Variants in PREP observed in about 807,000 individuals in gnomAD.
PREP encodes the protein prolyl endopeptidase.
PREP carries 29 observed loss-of-function variants against 87.6 expected under a neutral mutation model. The observed-to-expected ratio is 0.33, with a 90% CI of 0.25 to 0.45. The LOEUF is 0.45. PREP is among the 20% of genes least tolerant of loss of function. PREP has a pLI of 1.00. For missense variants in PREP, 695 were observed against 886.5 expected, an observed-to-expected ratio of 0.78 and a Z score of 2.74; for synonymous variants, 337 against 328.6, an observed-to-expected ratio of 1.03 and a Z score of -0.28.
chr6:105,380,924 G>T (rs184754646), intron 2 of PREP, among the ~76,000 whole-genome samples: 79 of 152,314 alleles, frequency 5.2e-4, no homozygotes, highest in South Asian at 5.0e-3. Context: ...GTGTTCTCCA[G>T]CTGTTTCTCT....
intron 2 of PREP, among the ~76,000 whole-genome samples, chr6:105,387,553 G>A (rs1379661500): frequency 7.1e-6 from 1 of 141,454 alleles, no homozygotes. Flanking sequence ...ACTGGAAGAA[G>A]AATTGTCACA....
chr6:105,361,824 T>C (rs1307194842), intron 6 of PREP, among the ~76,000 whole-genome samples: 1 of 152,212 alleles, frequency 6.6e-6, no homozygotes, highest in East Asian at 1.9e-4. Flanking sequence ...ACTTTTCATA[T>C]ATGAAACTCA....
intron 6 of PREP, among the ~76,000 whole-genome samples, chr6:105,360,724 C>T (rs1772224293): frequency 6.6e-6 from 1 of 152,170 alleles, no homozygotes; most frequent in Admixed American, 6.5e-5. Flanking sequence ...GAAAATAACT[C>T]CTATAAAAAT....
At chr6:105,340,675 G>A (rs988510146) in intron 7 of PREP, among the ~76,000 whole-genome samples, 1 of 151,452 alleles carries the variant, frequency 6.6e-6, no homozygotes, top group Non-Finnish European at 1.5e-5. Flanking sequence ...CATATATGCT[G>A]AAAATAAAGG....
At chr6:105,355,347 A>G (rs1157336789) in intron 6 of PREP, among the ~76,000 whole-genome samples, 1 of 152,164 alleles carries the variant, frequency 6.6e-6, no homozygotes, top group Non-Finnish European at 1.5e-5. Flanking sequence ...TTGGCCTCCC[A>G]AAGTGCCACT....
rs916991271 is a variant in PREP at position 105,276,689 on chromosome 6, G to A, written c.*1455C>T. On this transcript the variant is annotated 3_prime_UTR_variant, in exon 15 of 15. Coordinates refer to ENST00000652536, the MANE Select transcript of PREP (RefSeq NM_002726.5). ...CTCAATGACAACTGTATTATGTACC[G>A]TACTAAATAGTAACGGAAAACATGA... Among the ~76,000 whole-genome samples the A allele has an allele frequency of 2.0e-5, 3 of 152,118 alleles. No homozygotes were observed. Among genetic ancestry groups the A allele is most frequent in the African/African-American group, 7.2e-5 (3 of 41,420 alleles).
At chr6:105,329,433 C>A (rs1003365062) in intron 8 of PREP, among the ~76,000 whole-genome samples, 1 of 152,180 alleles carries the variant, frequency 6.6e-6, no homozygotes, top group African/African-American at 2.4e-5. Context: ...AGATTACAGG[C>A]GTGAGCCACC....
chr6:105,321,638 T>G (rs1054375638), intron 10 of PREP, among the ~76,000 whole-genome samples: 1 of 152,158 alleles, frequency 6.6e-6, no homozygotes, highest in African/African-American at 2.4e-5. Context: ...AAAAGCCATC[T>G]AATAGAGGAA....
intron 10 of PREP, chr6:105,302,506 G>A: frequency 2.7e-6 from 1 of 376,056 alleles, no homozygotes; most frequent in Admixed American, 3.5e-5. Flanking sequence ...TTCCGCGGCT[G>A]CTGCTTGGTC....
rs1303746487 is a variant in PREP at position 105,281,810 on chromosome 6, C to T, written c.1774G>A (p.Gly592Ser). Residue 592 changes from glycine to serine, a missense_variant, in exon 14 of 15, where the codon GGC becomes AGC. Gly to Ser is a moderately conservative substitution (Grantham distance 56). Around this residue, in one of 5 missense-constraint regions of PREP, gnomAD observed 20 missense variants for 58.9 expected, o/e 0.34. Coordinates refer to ENST00000652536, the MANE Select transcript of PREP (RefSeq NM_002726.5). ...CCATAATCAGTGGTCCAAGCATGGC[C>T]GATGGTATATTTATGAAACTTCAGC... ...DMLKFHKYTI[G>S]HAWTTDYGCS... 7 of 1,614,070 alleles carry T rather than the reference C, an allele frequency of 4.3e-6. No homozygotes were observed. The highest frequency in any genetic ancestry group is 5.9e-6 in the Non-Finnish European group (7 of 1,180,016).
At chr6:105,368,740 A>G (rs1373302279) in intron 6 of PREP, among the ~76,000 whole-genome samples, 163 bp downstream of exon 6, 1 of 152,184 alleles carries the variant, frequency 6.6e-6, no homozygotes. Flanking sequence ...AAGGTTTATC[A>G]CCTCCATTAT....
At chr6:105,347,212 TG>T (rs1267948661) in intron 7 of PREP, among the ~76,000 whole-genome samples, 5 of 152,164 alleles carry the variant, frequency 3.3e-5, no homozygotes, top group African/African-American at 1.2e-4. Context: ...AGTCTGAGCA[TG>T]GATCTGTGCG....
chr6:105,323,164 G>A (rs1024745823), intron 10 of PREP: 15 of 1,232,404 alleles, frequency 1.2e-5, no homozygotes, highest in East Asian at 1.1e-4. Flanking sequence ...GGCCAAAGAC[G>A]AAGCTTGTGG....
In PREP at chr6:105,293,114, A is replaced by G. The variant is rs561439214; in HGVS notation, c.1318-4220T>C. On this transcript the variant is annotated intron_variant, in intron 10 of 14. Transcript: ENST00000652536. ...GTAGCACTTTCAATTTTTTCAAGTT[A>G]TTTTCCTTTGCATTCACAACTTGGG... Among the ~76,000 whole-genome samples, 7 of 152,292 alleles carry G rather than the reference A, an allele frequency of 4.6e-5. No individual in the cohort carries two copies. The South Asian group carries it at 1.2e-3, about 27-fold the overall frequency.
intron 1 of PREP, among the ~76,000 whole-genome samples, chr6:105,402,150 C>T (rs1426873277): frequency 1.3e-5 from 2 of 152,128 alleles, no homozygotes; most frequent in African/African-American, 4.8e-5. Flanking sequence ...AGGTCAACCC[C>T]TCTCCCTTCT....
At chr6:105,310,384 CTT>C (rs1013382237) in intron 10 of PREP, among the ~76,000 whole-genome samples, 8 of 152,160 alleles carry the variant, frequency 5.3e-5, no homozygotes, top group African/African-American at 1.2e-4. Flanking sequence ...CTCCTCCTCT[CTT>C]GTCTTTCCTG....
chr6:105,323,083 T>C, intron 10 of PREP: 1 of 1,304,142 alleles, frequency 7.7e-7, no homozygotes, highest in Non-Finnish European at 1.0e-6. Flanking sequence ...AGTGATTCAG[T>C]TTCTGGAAGA....
At chr6:105,344,460 C>A (rs1355683450) in intron 7 of PREP, among the ~76,000 whole-genome samples, 5 of 149,976 alleles carry the variant, frequency 3.3e-5, no homozygotes, top group Non-Finnish European at 5.9e-5. Flanking sequence ...CCACTGCACT[C>A]CAGCCTGGGA....
At chr6:105,361,617 A>G (rs1018129431) in intron 6 of PREP, among the ~76,000 whole-genome samples, 22 of 152,218 alleles carry the variant, frequency 1.4e-4, no homozygotes, top group African/African-American at 4.8e-4. Context: ...CCTGGAAATG[A>G]ACAAAAGGAG....
Sources: allele counts gnomAD v4.1 joint callset (sites outside exome capture counted in the v4.1 genomes callset), GRCh38; gene constraint gnomAD v4.1.1; regional missense constraint gnomAD v4.1.1; transcripts MANE v1.5; gene names NCBI Gene and HGNC (gene_info 2026-07-23, HGNC 2026-07-21).